Variants in PDE8B observed in about 807,000 individuals in gnomAD.
PDE8B encodes the protein high affinity cAMP-specific and IBMX-insensitive 3',5'-cyclic phosphodiesterase 8B.
In PDE8B, 26 loss-of-function variants were observed where a neutral mutation model predicts 101.3. The ratio of observed to expected loss-of-function variants is 0.26; its 90% confidence interval spans 0.19 to 0.36. PDE8B has a LOEUF of 0.36. Among genes scored for constraint, PDE8B ranks in the 10% least tolerant of loss-of-function variants. The pLI, the probability that PDE8B is intolerant of heterozygous loss-of-function variation, is 1.00. For synonymous variants in PDE8B, 424 were observed against 429.3 expected (o/e 0.99, Z 0.15); for missense variants, 810 against 1,163.1 (o/e 0.70, Z 4.42).
At chr5:77,378,032 ACACACACACACACAC>A (rs1469907575) in intron 10 of PDE8B, among the ~76,000 whole-genome samples, 35 of 133,494 alleles carry the variant, frequency 2.6e-4, no homozygotes, top group East Asian at 2.4e-3. Context: ...ACACACACAC[ACACACACACACACAC>A]ACCCCCTGTT....
chr5:77,183,982 A>ATTT, the PDE8B span, among the ~76,000 whole-genome samples: 7,258 of 131,974 alleles, frequency 0.055, 571 homozygotes, highest in African/African-American at 0.2. Context: ...TTTTTTTTTA[A>ATTT]AAAAAAACAG....
chr5:77,303,309 G>A (rs1580903295), intron 1 of PDE8B, among the ~76,000 whole-genome samples: 1 of 152,244 alleles, frequency 6.6e-6, no homozygotes, highest in East Asian at 1.9e-4. Context: ...GGAGGCCAAG[G>A]TGGATGGATT....
intron 8 of PDE8B, among the ~76,000 whole-genome samples, chr5:77,350,184 T>C (rs1230168329): frequency 2.6e-5 from 4 of 152,212 alleles, no homozygotes; most frequent in African/African-American, 7.2e-5. Context: ...TCACATACAA[T>C]TTCTTTCATC....
the PDE8B span, among the ~76,000 whole-genome samples, chr5:77,094,487 G>T: frequency 6.6e-6 from 1 of 152,090 alleles, no homozygotes; most frequent in Non-Finnish European, 1.5e-5. Flanking sequence ...TGTATTTTGT[G>T]TAGAGACAGA....
At chr5:77,193,640 A>C in the PDE8B span, among the ~76,000 whole-genome samples, 1 of 152,096 alleles carries the variant, frequency 6.6e-6, no homozygotes, top group African/African-American at 2.4e-5. Flanking sequence ...AATTCATTTG[A>C]TTATTCTAGG....
chr5:77,360,832 C>G (rs1471039049), intron 10 of PDE8B, among the ~76,000 whole-genome samples: 2 of 152,154 alleles, frequency 1.3e-5, no homozygotes, highest in African/African-American at 4.8e-5. Context: ...CCCAACCCAC[C>G]ACCACTTCCT....
rs1361375992 is a variant in PDE8B, at chr5:77,413,280, G to A, written c.1882G>A (p.Ala628Thr). The A allele has an allele frequency of 3.1e-6, 5 of 1,613,862 alleles. No homozygotes were observed. The highest frequency in any genetic ancestry group is 4.2e-6 in the Non-Finnish European group (5 of 1,179,886). ...THAADVLHAT[A>T]FFLGKERVKG... ...TGCTGCCGACGTCCTGCACGCCACC[G>A]CTTTCTTTCTTGGAAAGGAAAGAGT... Residue 628 changes from alanine (A) to threonine (T), a missense_variant, in exon 17 of 22, where the codon GCT (alanine) becomes ACT (threonine). Physicochemically the swap from Ala to Thr is moderately conservative, Grantham distance 58. Coordinates refer to ENST00000264917, the MANE Select transcript of PDE8B (RefSeq NM_003719.5).
At chr5:77,402,668 A>G (rs1310969024) in intron 11 of PDE8B, among the ~76,000 whole-genome samples, 2 of 152,244 alleles carry the variant, frequency 1.3e-5, no homozygotes, top group Non-Finnish European at 2.9e-5. Context: ...CATGCTCACT[A>G]TGTGGCAGAC....
chr5:77,221,983 C>G (rs1219745679), intron 1 of PDE8B, among the ~76,000 whole-genome samples: 1 of 152,184 alleles, frequency 6.6e-6, no homozygotes, highest in Non-Finnish European at 1.5e-5. Flanking sequence ...CTAGCCCTCT[C>G]TAGTCATGCC....
rs1581661869 is a variant in PDE8B, at chr5:77,425,981, G to A, written c.2548+85G>A. On this transcript the variant is annotated intron_variant, in intron 21 of 21. Coordinates refer to ENST00000264917, the MANE Select transcript of PDE8B (RefSeq NM_003719.5). ...TTAGTGACACAGGGTGAGCCTAAAGGTAAACAAAATATATTTTTAAAAATG... is the reference window on the plus strand; with the variant it reads ...TTAGTGACACAGGGTGAGCCTAAAGATAAACAAAATATATTTTTAAAAATG... The A allele has an allele frequency of 6.6e-6, 9 of 1,358,186 alleles. No individual in the cohort carries two copies. In the South Asian group the frequency reaches 1.1e-4, roughly 16 times the overall value. 84.1% of individuals were successfully genotyped at this position (1,358,186 alleles called of 1,614,324 possible). A position where few individuals can be genotyped will look rare whatever the true frequency, so the allele number is the denominator to read the frequency against.
intron 10 of PDE8B, among the ~76,000 whole-genome samples, chr5:77,358,019 C>G (rs1478574659): frequency 6.6e-6 from 1 of 152,200 alleles, no homozygotes; most frequent in Non-Finnish European, 1.5e-5. Context: ...CCTTTACTCT[C>G]CCCACATTTG....
intron 5 of PDE8B, among the ~76,000 whole-genome samples, chr5:77,332,350 A>G (rs750819228): frequency 5.9e-5 from 9 of 152,358 alleles, no homozygotes; most frequent in Non-Finnish European, 1.3e-4. Context: ...ACCATGGTTT[A>G]CTTATACAGC....
chr5:77,265,231 A>G (rs1012296105), intron 1 of PDE8B, among the ~76,000 whole-genome samples: 2 of 152,226 alleles, frequency 1.3e-5, no homozygotes, highest in Non-Finnish European at 2.9e-5. Context: ...AAGACATCAC[A>G]GACAATCAGT....
chr5:77,400,038 G>A (rs1466591235), intron 10 of PDE8B, among the ~76,000 whole-genome samples: 1 of 152,162 alleles, frequency 6.6e-6, no homozygotes, highest in Non-Finnish European at 1.5e-5. Flanking sequence ...CCTGCTCTCA[G>A]GCTCAGCCAT....
chr5:77,140,191 T>C, the PDE8B span: 1 of 152,258 alleles, frequency 6.6e-6, no homozygotes, highest in Non-Finnish European at 1.5e-5. Flanking sequence ...ATGCATGGCA[T>C]GGGCTTGGCT....
chr5:77,355,308 C>T (rs1412339431), intron 10 of PDE8B, among the ~76,000 whole-genome samples: 3 of 152,224 alleles, frequency 2.0e-5, no homozygotes, highest in Non-Finnish European at 4.4e-5. Context: ...TGGTACTGCA[C>T]AGGCCTGGAG....
chr5:77,361,097 A>G (rs1360591869), intron 10 of PDE8B, among the ~76,000 whole-genome samples: 1 of 152,240 alleles, frequency 6.6e-6, no homozygotes, highest in African/African-American at 2.4e-5. Flanking sequence ...ATATTTTACT[A>G]TCATGTGTGC....
At chr5:77,365,173 A>G (rs1783894857) in intron 10 of PDE8B, among the ~76,000 whole-genome samples, 2 of 152,200 alleles carry the variant, frequency 1.3e-5, no homozygotes, top group South Asian at 4.2e-4. Context: ...TTGGCTGCAC[A>G]TTGGAATCAC....
rs117259214 is a variant in PDE8B at position 77,355,567 on chromosome 5, C to T, written c.1167+2161C>T. On this transcript the variant is annotated intron_variant, in intron 10 of 21. Transcript: ENST00000264917. The stretch of plus-strand genomic sequence containing the variant: ...GCTGCTCTCTCCTGGTAAGGCTTGC[C>T]GTCAGCAAAGATCCCTTTTCCTGTA... Among the ~76,000 whole-genome samples, 6 of 152,266 alleles carry T rather than the reference C, an allele frequency of 3.9e-5. No homozygotes were observed. The East Asian group carries it at 5.8e-4, about 15-fold the overall frequency.
Sources: allele counts gnomAD v4.1 joint callset (sites outside exome capture counted in the v4.1 genomes callset), GRCh38; gene constraint gnomAD v4.1.1; transcripts MANE v1.5; gene names NCBI Gene and HGNC (gene_info 2026-07-23, HGNC 2026-07-21).